The following MAGI2 variants were observed in gnomAD, a reference collection of about 807,000 sequenced individuals.
MAGI2 encodes membrane-associated guanylate kinase, WW and PDZ domain-containing protein 2.
In MAGI2, 35 loss-of-function variants were observed where a neutral mutation model predicts 133.3. The ratio of observed to expected loss-of-function variants is 0.26; its 90% CI spans 0.20 to 0.35. The LOEUF is 0.35. Ranked by LOEUF, MAGI2 falls within the 10% of genes least tolerant of loss-of-function variation. MAGI2 has a pLI of 1.00. For missense variants in MAGI2, 1,636 were observed against 1,863.4 expected (o/e 0.88, Z 2.25); for synonymous variants, 729 against 710.6 (o/e 1.03, Z -0.41).
intron 1 of MAGI2, among the ~76,000 whole-genome samples, chr7:79,365,129 TA>T (rs1225146907): frequency 1.3e-5 from 2 of 152,176 alleles, no homozygotes; most frequent in East Asian, 1.9e-4. Context: ...AATAAGCACA[TA>T]AAAAATGTCC....
chr7:78,422,570 T>C (rs1329161220), intron 6 of MAGI2, among the ~76,000 whole-genome samples: 1 of 143,924 alleles, frequency 6.9e-6, no homozygotes, highest in Non-Finnish European at 1.5e-5. Context: ...GTGAATGTAA[T>C]GTGTAAAGGC....
chr7:78,923,462 A>G (rs916982850), intron 2 of MAGI2, among the ~76,000 whole-genome samples: 3 of 152,156 alleles, frequency 2.0e-5, no homozygotes, highest in African/African-American at 4.8e-5. Flanking sequence ...TCCTTTCCCC[A>G]TTGCTTGTTT....
At chr7:79,131,755 T>C (rs1159745073) in intron 1 of MAGI2, among the ~76,000 whole-genome samples, 1 of 152,200 alleles carries the variant, frequency 6.6e-6, no homozygotes, top group Non-Finnish European at 1.5e-5. Context: ...AATTTTTTAA[T>C]TTTTAAACTT....
chr7:79,201,874 C>T (rs942084700), intron 1 of MAGI2, among the ~76,000 whole-genome samples: 1 of 151,748 alleles, frequency 6.6e-6, no homozygotes, highest in African/African-American at 2.4e-5. Context: ...CAATTTTTGT[C>T]TTAGTTAATG....
At chr7:79,037,654 A>T (rs1811249977) in intron 1 of MAGI2, among the ~76,000 whole-genome samples, 1 of 152,208 alleles carries the variant, frequency 6.6e-6, no homozygotes, top group African/African-American at 2.4e-5. Flanking sequence ...ATCATCAAAT[A>T]TCTAAGTCAG....
At chr7:78,819,828 A>G (rs969270680) in intron 2 of MAGI2, among the ~76,000 whole-genome samples, 4 of 152,078 alleles carry the variant, frequency 2.6e-5, no homozygotes, top group African/African-American at 9.6e-5. Flanking sequence ...TTATACAAAA[A>G]AATTTAATAG....
At chr7:78,882,608 C>T (rs1795963315) in intron 2 of MAGI2, among the ~76,000 whole-genome samples, 1 of 151,914 alleles carries the variant, frequency 6.6e-6, no homozygotes, top group Non-Finnish European at 1.5e-5. Context: ...GATGCAAAAA[C>T]ACTCAACAAA....
intron 6 of MAGI2, among the ~76,000 whole-genome samples, chr7:78,435,411 A>G (rs957789722): frequency 6.6e-6 from 1 of 152,078 alleles, no homozygotes; most frequent in Non-Finnish European, 1.5e-5. Context: ...CAGAGGACCA[A>G]TGGATTTCAG....
At chr7:79,276,804 A>C (rs1054925606) in intron 1 of MAGI2, among the ~76,000 whole-genome samples, 3 of 152,096 alleles carry the variant, frequency 2.0e-5, no homozygotes, top group Non-Finnish European at 2.9e-5. Flanking sequence ...TCTTTACAAA[A>C]AAATTCAAAA....
At chr7:79,318,273 C>T (rs1051777885) in intron 1 of MAGI2, among the ~76,000 whole-genome samples, 4 of 151,950 alleles carry the variant, frequency 2.6e-5, no homozygotes, top group African/African-American at 7.3e-5. Flanking sequence ...CAACACACAC[C>T]ACTTCATATT....
At chr7:78,412,332 C>T (rs948140689) in intron 6 of MAGI2, among the ~76,000 whole-genome samples, 2 of 152,004 alleles carry the variant, frequency 1.3e-5, no homozygotes, top group African/African-American at 4.8e-5. Flanking sequence ...AGTAGACAGA[C>T]AGGCAAACAG....
At chr7:78,266,741 C>T (rs184745546) in intron 9 of MAGI2, among the ~76,000 whole-genome samples, 7 of 151,906 alleles carry the variant, frequency 4.6e-5, no homozygotes, top group Non-Finnish European at 8.8e-5. Context: ...CTACACCAGG[C>T]TAATTTTTTT....
chr7:79,286,448 G>T (rs73707609), intron 1 of MAGI2, among the ~76,000 whole-genome samples: 2,423 of 152,064 alleles, frequency 0.016, 54 homozygotes, highest in African/African-American at 0.057. Context: ...ACACTCCACG[G>T]CACTTGCTCT....
chr7:79,283,621 T>A (rs538499002), intron 1 of MAGI2, among the ~76,000 whole-genome samples: 1 of 152,200 alleles, frequency 6.6e-6, no homozygotes, highest in East Asian at 1.9e-4. Flanking sequence ...TTATGGCCAA[T>A]AAGACAAGAG....
chr7:78,787,485 C>T (rs959521829), intron 2 of MAGI2, among the ~76,000 whole-genome samples: 14 of 152,092 alleles, frequency 9.2e-5, no homozygotes, highest in African/African-American at 3.4e-4. Flanking sequence ...GGGTTAGAAC[C>T]CTGTTCTTTA....
At chr7:78,678,928 C>A (rs1429929636) in intron 2 of MAGI2, among the ~76,000 whole-genome samples, 1 of 152,000 alleles carries the variant, frequency 6.6e-6, no homozygotes, top group Non-Finnish European at 1.5e-5. Context: ...CAAAAAAGAT[C>A]CCTCTCCTTC....
chr7:79,195,061 CTAATTT>C (rs1161185497), intron 1 of MAGI2, among the ~76,000 whole-genome samples: 1 of 151,934 alleles, frequency 6.6e-6, no homozygotes, highest in South Asian at 2.1e-4. Flanking sequence ...TCGATACTTT[CTAATTT>C]TATTATTTTA....
At chr7:79,308,343 G>T (rs1837987234) in intron 1 of MAGI2, among the ~76,000 whole-genome samples, 1 of 149,660 alleles carries the variant, frequency 6.7e-6, no homozygotes, top group Admixed American at 6.8e-5. Context: ...ACAGAGACAG[G>T]TCACTCAAAA....
At chr7:78,718,559 G>T (rs1421998293) in intron 2 of MAGI2, among the ~76,000 whole-genome samples, 1 of 151,652 alleles carries the variant, frequency 6.6e-6, no homozygotes, top group African/African-American at 2.4e-5. Context: ...TAGGTTGTCC[G>T]CTCCTTATGA....
Sources: gnomAD v4.1 joint callset for allele counts (sites outside exome capture counted in the v4.1 genomes callset) on GRCh38, gnomAD v4.1.1 for gene constraint, MANE v1.5 for transcripts, NCBI Gene and HGNC (gene_info 2026-07-23, HGNC 2026-07-21) for gene names.